Variants in RASGRP1 observed in about 807,000 individuals in gnomAD.
The protein encoded by RASGRP1 is RAS guanyl-releasing protein 1.
In RASGRP1, 37 loss-of-function variants were observed where a neutral mutation model predicts 95.1. The observed-to-expected ratio is 0.39, with a 90% CI of 0.30 to 0.51. The LOEUF is 0.51. Ranked by LOEUF, RASGRP1 falls within the 20% of genes least tolerant of loss-of-function variation. The pLI, the probability that RASGRP1 is intolerant of heterozygous loss-of-function variation, is 0.80. For missense variants in RASGRP1, 711 were observed against 965.4 expected, an observed-to-expected ratio of 0.74 and a Z score of 3.49; for synonymous variants, 325 against 353.4, an observed-to-expected ratio of 0.92 and a Z score of 0.90.
chr15:38,532,510 A>G (rs914922304), intron 2 of RASGRP1, among the ~76,000 whole-genome samples: 3 of 152,200 alleles, frequency 2.0e-5, no homozygotes, highest in Non-Finnish European at 4.4e-5. Context: ...TTCCACCGTT[A>G]GACTCAGTGC....
chr15:38,556,671 G>A (rs1361805094), intron 2 of RASGRP1, among the ~76,000 whole-genome samples: 1 of 152,092 alleles, frequency 6.6e-6, no homozygotes, highest in Non-Finnish European at 1.5e-5. Flanking sequence ...TGCACACTTC[G>A]CCTATGGTTG....
At position 38,564,061 on chromosome 15, in the gene RASGRP1, A is replaced by C. The variant is rs374752074; in HGVS notation, c.35+533T>G. 1.8e-3 allele frequency among the ~76,000 whole-genome samples: 279 copies of C among 152,158 alleles called. 1 individual carries two copies. The highest frequency in any genetic ancestry group is 6.3e-3 in the African/African-American group (262 of 41,538). On this transcript the variant is annotated intron_variant, in intron 1 of 16. Transcript: ENST00000310803. ...GGGGGAGAGGAGTGCAGCTTCCCAT[A>C]CGGAAGGCGATATGTTTCCCTGACC...
chr15:38,528,315 C>G (rs1396534066), intron 2 of RASGRP1, among the ~76,000 whole-genome samples: 1 of 152,164 alleles, frequency 6.6e-6, no homozygotes, highest in Non-Finnish European at 1.5e-5. Context: ...CCATTTTTAG[C>G]AAAACCTCAC....
chr15:38,534,744 AT>A (rs1892575816), intron 2 of RASGRP1: 1 of 152,266 alleles, frequency 6.6e-6, no homozygotes, highest in Non-Finnish European at 1.5e-5. Flanking sequence ...GACAAAGGTG[AT>A]TTGTTCTAAC....
intron 2 of RASGRP1, among the ~76,000 whole-genome samples, chr15:38,557,655 C>G (rs1893625215): frequency 1.3e-5 from 2 of 150,050 alleles, no homozygotes; most frequent in Non-Finnish European, 3.0e-5. Context: ...ATTTCCTGAA[C>G]AGTATGTTTC....
At chr15:38,511,564 G>A in intron 8 of RASGRP1, 40 bp downstream of exon 8, 1 of 1,482,988 alleles carries the variant, frequency 6.7e-7, no homozygotes, top group Non-Finnish European at 9.4e-7. Flanking sequence ...CACATCTTGA[G>A]AATGCTGCTA....
At chr15:38,512,414 A>G (rs184943064) in intron 7 of RASGRP1, among the ~76,000 whole-genome samples, 102 of 152,366 alleles carry the variant, frequency 6.7e-4, no homozygotes, top group African/African-American at 2.1e-3. Flanking sequence ...AAGACCTAAG[A>G]CAATCCAGGA....
chr15:38,502,397 C>G lies in RASGRP1; in HGVS notation c.1453G>C (p.Asp485His). The change falls in exon 12 of 17, where the codon GAC becomes CAC. Residue 485 changes from aspartate to histidine, a missense_variant. This residue lies in a region of RASGRP1 where 491 missense variants were observed against 676.6 expected (regional missense o/e 0.73). Coordinates refer to ENST00000310803, the MANE Select transcript of RASGRP1 (RefSeq NM_005739.4). Reference sequence around the variant, plus strand: ...TCCTGAGAAATGTATCCATCCTGGTCGTGATCATAGTTCTTGAAGACAGAC... The same window carrying G: ...TCCTGAGAAATGTATCCATCCTGGTGGTGATCATAGTTCTTGAAGACAGAC... ...VDSVFKNYDH[D>H]QDGYISQEEF... is the part of the protein sequence containing the mutation. The G allele has an allele frequency of 6.2e-7, 1 of 1,602,304 alleles. No homozygotes were observed. The highest frequency in any genetic ancestry group is 8.6e-7 in the Non-Finnish European group (1 of 1,169,488).
chr15:38,518,915 T>A (rs1319235202), intron 4 of RASGRP1, among the ~76,000 whole-genome samples: 1 of 152,076 alleles, frequency 6.6e-6, no homozygotes, highest in Non-Finnish European at 1.5e-5. Context: ...CTCAAAAAAA[T>A]TGACATGAAA....
chr15:38,532,238 G>A (rs914891430), intron 2 of RASGRP1, among the ~76,000 whole-genome samples: 4 of 152,128 alleles, frequency 2.6e-5, no homozygotes, highest in African/African-American at 4.8e-5. Context: ...AATGTGCAAC[G>A]CATAATAAAA....
At chr15:38,495,943 G>C (rs62003586) in intron 15 of RASGRP1, among the ~76,000 whole-genome samples, 1,741 of 152,146 alleles carry the variant, frequency 0.011, 19 homozygotes, top group Non-Finnish European at 0.019. Context: ...GGGAGCTTGG[G>C]ACAGAAATTC....
intron 5 of RASGRP1, among the ~76,000 whole-genome samples, chr15:38,517,468 G>T (rs970396525): frequency 3.9e-4 from 59 of 152,264 alleles, no homozygotes; most frequent in African/African-American, 1.2e-3. Context: ...TGGGGCTCTG[G>T]AATGTAATCT....
chr15:38,549,085 C>T (rs1893225791), intron 2 of RASGRP1, among the ~76,000 whole-genome samples: 1 of 152,180 alleles, frequency 6.6e-6, no homozygotes, highest in Non-Finnish European at 1.5e-5. Flanking sequence ...GGCGAGGGTC[C>T]TATGGCTCCC....
intron 12 of RASGRP1, 28 bp downstream of exon 12, chr15:38,502,284 C>G (rs371737536): frequency 8.1e-6 from 12 of 1,489,386 alleles, no homozygotes; most frequent in Middle Eastern, 3.4e-4. Context: ...GGGCTCATAA[C>G]CACATATTCC....
rs1893737021 is a variant in RASGRP1 at position 38,559,933 on chromosome 15, G to T, written c.108C>A (p.Pro36=). 2 of 1,613,484 alleles carry T rather than the reference G, an allele frequency of 1.2e-6. No individual in the cohort carries two copies. Among genetic ancestry groups the T allele is most frequent in the Admixed American group, 1.7e-5 (1 of 60,000 alleles). Reference sequence around the variant, plus strand: ...TGATGTGGGCCAAGCTGGGATGGGAGGGGAAGGGGCTGTTGGCTGGCTTTG... The same window carrying T: ...TGATGTGGGCCAAGCTGGGATGGGATGGGAAGGGGCTGTTGGCTGGCTTTG... ...LEAKPANSPF[P]SHPSLAHITQ... Residue 36 remains proline (P), a synonymous_variant, in exon 2 of 17, where the codon CCC becomes CCA. Transcript: ENST00000310803.
chr15:38,519,757 A>G (rs1891928211), intron 3 of RASGRP1, among the ~76,000 whole-genome samples: 1 of 152,222 alleles, frequency 6.6e-6, no homozygotes, highest in African/African-American at 2.4e-5. Flanking sequence ...TGAAGCAGAA[A>G]AAAAAGAAAA....
chr15:38,518,194 A>C (rs1595850459), intron 5 of RASGRP1, 98 bp downstream of exon 5: 4 of 1,159,808 alleles, frequency 3.4e-6, no homozygotes, highest in African/African-American at 1.5e-5. Context: ...GAAAGAGAGC[A>C]GCAGTCACCG....
intron 8 of RASGRP1, among the ~76,000 whole-genome samples, chr15:38,510,205 C>T (rs1451647104): frequency 6.6e-6 from 1 of 152,196 alleles, no homozygotes; most frequent in Non-Finnish European, 1.5e-5. Flanking sequence ...TGTGGGGGGA[C>T]CCCAAGCTGA....
chr15:38,519,106 T>A (rs534056729), intron 4 of RASGRP1, among the ~76,000 whole-genome samples: 1 of 152,320 alleles, frequency 6.6e-6, no homozygotes, highest in African/African-American at 2.4e-5. Context: ...CTTCATGTCA[T>A]TTGATACCAA....
Sources: allele counts gnomAD v4.1 joint callset (sites outside exome capture counted in the v4.1 genomes callset), GRCh38; gene constraint gnomAD v4.1.1; regional missense constraint gnomAD v4.1.1; transcripts MANE v1.5; gene names NCBI Gene and HGNC (gene_info 2026-07-23, HGNC 2026-07-21).